OPCML: variants seen among roughly 807,000 people sequenced by gnomAD.
OPCML encodes opioid binding protein/cell adhesion molecule like.
A neutral mutation model predicts 37.8 loss-of-function variants in OPCML; 13 were observed. The ratio of observed to expected loss-of-function variants is 0.34; its 90% confidence interval spans 0.22 to 0.55. The LOEUF (loss-of-function observed/expected upper bound fraction) is 0.55, where lower values mean the gene tolerates loss of function less well. OPCML is among the 20% of genes least tolerant of loss of function. OPCML has a pLI of 0.91. For missense variants in OPCML, 341 were observed against 435.6 expected (o/e 0.78, Z 1.93); for synonymous variants, 176 against 168.8 (o/e 1.04, Z -0.33).
rs567136508 is a variant in OPCML, at chr11:132,443,837, C to T, written c.506-6478G>A. ...TTCCTGAGGAGACATGTGCCTGAAT[C>T]CTATCACTCATCTTTCTTTCCCTCC... On this transcript the variant is annotated intron_variant, in intron 4 of 7. Coordinates refer to ENST00000524381, the MANE Select transcript of OPCML (RefSeq NM_001012393.5). Among the ~76,000 whole-genome samples, 4 of 152,298 alleles carry T rather than the reference C, an allele frequency of 2.6e-5. No homozygotes were observed. In the South Asian group the frequency reaches 8.3e-4, roughly 32 times the overall value.
At chr11:132,657,626 T>C (rs560001033) in intron 2 of OPCML, among the ~76,000 whole-genome samples, 1 of 152,300 alleles carries the variant, frequency 6.6e-6, no homozygotes, top group East Asian at 1.9e-4. Flanking sequence ...TCAGTTTATG[T>C]TTCTTGAGCA....
intron 2 of OPCML, among the ~76,000 whole-genome samples, chr11:132,890,504 A>G (rs1422897206): frequency 1.3e-5 from 2 of 152,126 alleles, no homozygotes; most frequent in African/African-American, 4.8e-5. Context: ...GAATAATTTA[A>G]GGGAGGTTAC....
intron 4 of OPCML, among the ~76,000 whole-genome samples, chr11:132,491,543 A>G (rs2096215639): frequency 1.3e-5 from 2 of 152,216 alleles, no homozygotes; most frequent in South Asian, 2.1e-4. Flanking sequence ...AGAGGGGCTC[A>G]TGGTATATTA....
intron 3 of OPCML, among the ~76,000 whole-genome samples, chr11:132,652,844 T>C (rs1011409100): frequency 6.6e-6 from 1 of 152,230 alleles, no homozygotes; most frequent in African/African-American, 2.4e-5. Context: ...AGATGCTTTA[T>C]GATCGCTGTG....
intron 1 of OPCML, among the ~76,000 whole-genome samples, chr11:133,522,002 TG>T (rs1948406630): frequency 6.6e-6 from 1 of 152,232 alleles, no homozygotes; most frequent in African/African-American, 2.4e-5. Flanking sequence ...ACAGCTCTTT[TG>T]GACCTATTGT....
chr11:132,909,142 T>C (rs1424957862), intron 2 of OPCML, among the ~76,000 whole-genome samples: 1 of 152,186 alleles, frequency 6.6e-6, no homozygotes, highest in Non-Finnish European at 1.5e-5. Context: ...TCGTCTCCCT[T>C]GGCCACCCAA....
chr11:133,092,575 A>C (rs933209157), intron 1 of OPCML, among the ~76,000 whole-genome samples: 2 of 151,964 alleles, frequency 1.3e-5, no homozygotes, highest in Non-Finnish European at 2.9e-5. Context: ...AAAATACAAA[A>C]ATTAGCTGGG....
intron 2 of OPCML, among the ~76,000 whole-genome samples, chr11:132,720,574 A>G (rs919816481): frequency 6.6e-6 from 1 of 152,228 alleles, no homozygotes; most frequent in Non-Finnish European, 1.5e-5. Flanking sequence ...TCACTGGTGT[A>G]GCTTTCAAAA....
intron 4 of OPCML, among the ~76,000 whole-genome samples, chr11:132,520,004 C>A (rs1410533529): frequency 6.6e-6 from 1 of 152,152 alleles, no homozygotes; most frequent in African/African-American, 2.4e-5. Context: ...AGAGGAACAA[C>A]AGGGACCTAC....
intron 2 of OPCML, among the ~76,000 whole-genome samples, chr11:132,800,343 G>A (rs1471257114): frequency 6.6e-6 from 1 of 152,102 alleles, no homozygotes; most frequent in African/African-American, 2.4e-5. Flanking sequence ...ACAATGTCAT[G>A]TTATTTACAA....
In OPCML at chr11:133,112,301, AAAAAAAAAAG is replaced by A. The variant is rs1228548479; in HGVS notation, c.62-169301_62-169292del. 9.0e-3 allele frequency among the ~76,000 whole-genome samples: 1,327 copies of A among 146,768 alleles called. 33 individuals are homozygous for A. Among genetic ancestry groups the A allele is most frequent in the African/African-American group, 0.031 (1,223 of 39,546 alleles). On this transcript the variant is annotated intron_variant, in intron 1 of 7. Transcript: ENST00000524381. ...ACTCTTGGCCAAAAAAAAAAAAAAA[AAAAAAAAAAG>A]GGGAAAGAAACAAAATATCTCATAT...
chr11:132,748,137 C>T lies in OPCML; in HGVS notation c.147-90818G>A, dbSNP rs111712878. Among the ~76,000 whole-genome samples the T allele has an allele frequency of 2.2e-3, 338 of 151,124 alleles. 2 individuals carry two copies. Among genetic ancestry groups the T allele is most frequent in the African/African-American group, 7.9e-3 (324 of 41,032 alleles). On this transcript the variant is annotated intron_variant, in intron 2 of 7. Coordinates refer to ENST00000524381, the MANE Select transcript of OPCML (RefSeq NM_001012393.5). Reference sequence around the variant, plus strand: ...TGAGATTATTCAATATTGATTCTTCCGAAAAGTTATCATAACAGATTGGTT... The same window carrying T: ...TGAGATTATTCAATATTGATTCTTCTGAAAAGTTATCATAACAGATTGGTT...
chr11:132,629,076 C>G (rs538806532), intron 3 of OPCML, among the ~76,000 whole-genome samples: 5 of 152,134 alleles, frequency 3.3e-5, no homozygotes, highest in Non-Finnish European at 7.4e-5. Context: ...CCATCCTAAG[C>G]CTGCTTGCCC....
At chr11:133,010,001 T>A (rs896260178) in intron 1 of OPCML, among the ~76,000 whole-genome samples, 1 of 152,174 alleles carries the variant, frequency 6.6e-6, no homozygotes, top group Non-Finnish European at 1.5e-5. Flanking sequence ...CCCTTGAAAG[T>A]CTCGCCTCCC....
At chr11:132,477,625 C>T (rs2096161499) in intron 4 of OPCML, among the ~76,000 whole-genome samples, 1 of 152,170 alleles carries the variant, frequency 6.6e-6, no homozygotes, top group Admixed American at 6.5e-5. Context: ...CACTCTTAAC[C>T]TCCAACATGA....
chr11:132,893,740 T>C (rs907764498), intron 2 of OPCML, among the ~76,000 whole-genome samples: 2 of 152,264 alleles, frequency 1.3e-5, no homozygotes, highest in Non-Finnish European at 2.9e-5. Flanking sequence ...TGCAATATGG[T>C]AATAGCTCCC....
chr11:133,210,114 A>T (rs866327632), intron 1 of OPCML, among the ~76,000 whole-genome samples: 37 of 152,334 alleles, frequency 2.4e-4, no homozygotes, highest in Admixed American at 6.5e-4. Context: ...ACGAAGCTGG[A>T]ACTGGGACGT....
At chr11:133,105,713 G>T (rs920398648) in intron 1 of OPCML, among the ~76,000 whole-genome samples, 2 of 152,222 alleles carry the variant, frequency 1.3e-5, no homozygotes, top group Non-Finnish European at 2.9e-5. Context: ...GGGCACGGTA[G>T]CTCATGCCTG....
intron 2 of OPCML, among the ~76,000 whole-genome samples, chr11:132,724,633 ATTT>A (rs1297843685): frequency 6.6e-6 from 1 of 152,174 alleles, no homozygotes; most frequent in Non-Finnish European, 1.5e-5. Context: ...GTCTTAACCC[ATTT>A]TAGTATTAAC....
Sources: gnomAD v4.1 joint callset for allele counts (sites outside exome capture counted in the v4.1 genomes callset) on GRCh38, gnomAD v4.1.1 for gene constraint, MANE v1.5 for transcripts, NCBI Gene and HGNC (gene_info 2026-07-23, HGNC 2026-07-21) for gene names.